Variants in CNTNAP3 observed in about 807,000 individuals in gnomAD.
CNTNAP3 encodes contactin associated protein family member 3, also known as contactin-associated protein-like 3.
CNTNAP3 carries 36 observed loss-of-function variants against 92.1 expected under a neutral mutation model. The observed-to-expected ratio is 0.39, with a 90% CI of 0.30 to 0.52. The LOEUF is 0.52. Among genes scored for constraint, CNTNAP3 ranks in the 20% least tolerant of loss-of-function variants. CNTNAP3 has a pLI of 0.76. For missense variants in CNTNAP3, 534 were observed against 1,069.6 expected (o/e 0.50, Z 6.98); for synonymous variants, 232 against 422.3 (o/e 0.55, Z 5.53).
At chr9:39,079,240 A>C (rs2990044) in intron 21 of CNTNAP3, among the ~76,000 whole-genome samples, 2 of 152,006 alleles carry the variant, frequency 1.3e-5, no homozygotes, top group East Asian at 1.9e-4. Flanking sequence ...TTAATTTTTA[A>C]AATATAGCAT....
chr9:39,122,035 A>G (rs947727986), intron 13 of CNTNAP3, among the ~76,000 whole-genome samples: 1 of 152,166 alleles, frequency 6.6e-6, no homozygotes, highest in Non-Finnish European at 1.5e-5. Context: ...CAGGTTCTCT[A>G]AAAGACTGAC....
chr9:39,132,976 C>G lies in CNTNAP3; in HGVS notation c.2036G>C (p.Arg679Pro). Residue 679 changes from arginine (R) to proline (P), a missense_variant, in exon 13 of 24, where the codon CGG becomes CCG. Physicochemically the swap from Arg to Pro is moderately radical, Grantham distance 103. Coordinates refer to ENST00000297668, the MANE Select transcript of CNTNAP3 (RefSeq NM_033655.5). ...AVNLAERCEQ[R>P]LALRCGTARR... ...CGCCGTCCCGCAGCGCAGAGCCAGC[C>G]GCTGCTCGCAGCGCTCCGCCAGGTT... 1 of 1,545,474 alleles carries G rather than the reference C, an allele frequency of 6.5e-7. No individual in the cohort carries two copies. The highest frequency in any genetic ancestry group is 2.4e-5 in the East Asian group (1 of 41,570).
At chr9:39,090,285 C>T (rs1826162351) in intron 18 of CNTNAP3, among the ~76,000 whole-genome samples, 1 of 152,160 alleles carries the variant, frequency 6.6e-6, no homozygotes, top group African/African-American at 2.4e-5. Flanking sequence ...ATACTAGACC[C>T]TTATAAGAGA....
At chr9:39,085,109 C>T (rs1317815040) in intron 21 of CNTNAP3, 1 of 146,252 alleles carries the variant, frequency 6.8e-6, no homozygotes, top group Non-Finnish European at 1.5e-5. Flanking sequence ...AGATTACTTT[C>T]CTCAGTTCCT....
intron 14 of CNTNAP3, among the ~76,000 whole-genome samples, chr9:39,112,147 C>T (rs1826763310): frequency 1.3e-5 from 2 of 151,552 alleles, no homozygotes; most frequent in South Asian, 2.1e-4. Context: ...AGTAAGAGAA[C>T]TTTCAAAGAC....
chr9:39,109,410 C>T (rs1282721449), intron 14 of CNTNAP3, 123 bp from the exon 15 acceptor site: 1 of 1,457,754 alleles, frequency 6.9e-7, no homozygotes, highest in African/African-American at 1.4e-5. Flanking sequence ...TTAACATTTT[C>T]AATATTTTGA....
At chr9:39,159,420 T>C (rs1261176760) in intron 9 of CNTNAP3, 5 of 133,602 alleles carry the variant, frequency 3.7e-5, no homozygotes, top group Non-Finnish European at 8.0e-5. Context: ...TATTTTTTTT[T>C]CCAGTGATTA....
chr9:39,104,510 ACACACACACACT>A (rs1474180987), intron 15 of CNTNAP3, among the ~76,000 whole-genome samples: 1 of 147,714 alleles, frequency 6.8e-6, no homozygotes, highest in Non-Finnish European at 1.5e-5. Context: ...ACACACACAC[ACACACACACACT>A]GTCTTAATTC....
At chr9:39,105,436 C>G (rs775067237) in intron 15 of CNTNAP3, among the ~76,000 whole-genome samples, 5 of 152,110 alleles carry the variant, frequency 3.3e-5, no homozygotes, top group Non-Finnish European at 4.4e-5. Context: ...CAAAAACAAA[C>G]AAACAAACAA....
chr9:39,098,312 C>A (rs1826372556), intron 18 of CNTNAP3, among the ~76,000 whole-genome samples: 1 of 150,458 alleles, frequency 6.6e-6, no homozygotes. Context: ...ACACACCCCC[C>A]AAATATATCT....
At chr9:39,123,337 G>T (rs1313556926) in intron 13 of CNTNAP3, among the ~76,000 whole-genome samples, 1 of 151,994 alleles carries the variant, frequency 6.6e-6, no homozygotes, top group East Asian at 1.9e-4. Context: ...CTTGTGATCC[G>T]CCCGCCTCGG....
chr9:39,076,128 G>C (rs1455524412), intron 23 of CNTNAP3, among the ~76,000 whole-genome samples: 135 of 152,078 alleles, frequency 8.9e-4, no homozygotes, highest in African/African-American at 2.7e-3. Flanking sequence ...GTTTCCTTAC[G>C]TTTACTCCGT....
chr9:39,072,967 A>G lies in CNTNAP3; in HGVS notation c.*923T>C, dbSNP rs1302815338. ...CGTCTTAATGATATAAATAAAGGATAACTCTGTGTAAGAAGTATTGTTTGT... is the reference window on the plus strand; with the variant it reads ...CGTCTTAATGATATAAATAAAGGATGACTCTGTGTAAGAAGTATTGTTTGT... On this transcript the variant is annotated 3_prime_UTR_variant, in exon 24 of 24. Coordinates refer to ENST00000297668, the MANE Select transcript of CNTNAP3 (RefSeq NM_033655.5). 1 of 152,738 alleles carries G rather than the reference A, an allele frequency of 6.5e-6. No homozygotes were observed. The highest frequency in any genetic ancestry group is 1.5e-5 in the Non-Finnish European group (1 of 68,054). 9.5% of individuals were successfully genotyped at this position (152,738 alleles called of 1,614,324 possible). A position where few individuals can be genotyped will look rare whatever the true frequency, so the allele number is the denominator to read the frequency against.
chr9:39,147,148 T>C (rs1467825797), intron 10 of CNTNAP3, among the ~76,000 whole-genome samples: 1 of 152,158 alleles, frequency 6.6e-6, no homozygotes, highest in Non-Finnish European at 1.5e-5. Flanking sequence ...CTGCTATCAT[T>C]GTGAGGCCTC....
chr9:39,096,042 A>C (rs1826318560), intron 18 of CNTNAP3, among the ~76,000 whole-genome samples: 1 of 150,852 alleles, frequency 6.6e-6, no homozygotes, highest in Admixed American at 6.6e-5. Context: ...GTCATTCCTT[A>C]TTTCAGTACA....
intron 12 of CNTNAP3, 28 bp downstream of exon 12, chr9:39,140,489 GAT>G (rs775205697): frequency 6.2e-6 from 10 of 1,612,060 alleles, no homozygotes; most frequent in Non-Finnish European, 7.6e-6. Flanking sequence ...GGTCTATTCT[GAT>G]ATATGCATAT....
At position 39,069,584 on chromosome 9, in the gene CNTNAP3, A is replaced by G. The variant is rs1825594214; in HGVS notation, c.*4306T>C. 6.6e-6 allele frequency among the ~76,000 whole-genome samples: 1 copy of G among 152,062 alleles called. No homozygotes were observed. The highest frequency in any genetic ancestry group is 2.4e-5 in the African/African-American group (1 of 41,432). On this transcript the variant is annotated 3_prime_UTR_variant, in exon 24 of 24. Transcript: ENST00000297668. ...TTTTAGGTCATAACCTATAGGCAATAAACTATGTTATCATTTTGTAAAAAA... is the reference window on the plus strand; with the variant it reads ...TTTTAGGTCATAACCTATAGGCAATGAACTATGTTATCATTTTGTAAAAAA...
chr9:39,103,966 T>C (rs1390478304), intron 15 of CNTNAP3, 52 bp from the exon 16 acceptor site: 4 of 1,503,990 alleles, frequency 2.7e-6, no homozygotes, highest in African/African-American at 2.8e-5. Flanking sequence ...GAAACAAAAA[T>C]AACAGCTACA....
At chr9:39,116,722 C>T (rs1820866873) in intron 14 of CNTNAP3, among the ~76,000 whole-genome samples, 1 of 151,916 alleles carries the variant, frequency 6.6e-6, no homozygotes, top group African/African-American at 2.4e-5. Context: ...TAATTTTGAA[C>T]TTGAGGAAGA....
Sources: allele counts gnomAD v4.1 joint callset (sites outside exome capture counted in the v4.1 genomes callset), GRCh38; gene constraint gnomAD v4.1.1; transcripts MANE v1.5; gene names NCBI Gene and HGNC (gene_info 2026-07-23, HGNC 2026-07-21).